Variants in PKP4 observed in about 807,000 individuals in gnomAD.
The protein encoded by PKP4 is plakophilin-4.
PKP4 carries 90 observed loss-of-function variants against 145.1 expected under a neutral mutation model. The observed-to-expected ratio is 0.62, with a 90% CI of 0.52 to 0.74. PKP4 has a LOEUF of 0.74. Ranked by LOEUF, PKP4 falls within the 30% of genes least tolerant of loss-of-function variation. The pLI is 0.00. For missense variants in PKP4, 1,340 were observed against 1,482.7 expected, an observed-to-expected ratio of 0.90 and a Z score of 1.58; for synonymous variants, 563 against 577.2, an observed-to-expected ratio of 0.98 and a Z score of 0.35.
intron 11 of PKP4, among the ~76,000 whole-genome samples, chr2:158,643,628 C>T (rs1225390232): frequency 9.2e-6 from 1 of 108,700 alleles, no homozygotes. Flanking sequence ...AGGGGGATCA[C>T]TTAAGCCCAG....
chr2:158,536,778 G>A (rs2105643925), intron 2 of PKP4, among the ~76,000 whole-genome samples: 1 of 152,290 alleles, frequency 6.6e-6, no homozygotes, highest in South Asian at 2.1e-4. Flanking sequence ...AAAAATCCTT[G>A]CTCCTTGACA....
At chr2:158,492,789 T>G (rs1292421610) in intron 1 of PKP4, among the ~76,000 whole-genome samples, 7 of 152,358 alleles carry the variant, frequency 4.6e-5, no homozygotes, top group Middle Eastern at 3.4e-3. Context: ...TACAGAAGTG[T>G]TATACGTGTT....
chr2:158,680,279 T>C, intron 21 of PKP4, 150 bp from the exon 22 acceptor site: 3 of 637,900 alleles, frequency 4.7e-6, no homozygotes, highest in South Asian at 2.0e-5. Context: ...AGTAAACGCA[T>C]AGTGTGCACC....
At chr2:158,516,507 A>C (rs913763629) in intron 1 of PKP4, among the ~76,000 whole-genome samples, 1 of 152,170 alleles carries the variant, frequency 6.6e-6, no homozygotes, top group Non-Finnish European at 1.5e-5. Flanking sequence ...TCTCATGCAG[A>C]TCTTCTAGGT....
chr2:158,617,045 G>A (rs1408403764), intron 4 of PKP4, among the ~76,000 whole-genome samples: 4 of 152,018 alleles, frequency 2.6e-5, no homozygotes, highest in Non-Finnish European at 4.4e-5. Flanking sequence ...GCCCTACAGC[G>A]TTATTGTCCC....
chr2:158,548,147 C>T (rs1024332014), intron 2 of PKP4, among the ~76,000 whole-genome samples: 3 of 152,108 alleles, frequency 2.0e-5, no homozygotes, highest in Admixed American at 6.5e-5. Flanking sequence ...ACTGAAATAA[C>T]ATAAGGAGCC....
chr2:158,626,811 A>C (rs982780183), intron 7 of PKP4, among the ~76,000 whole-genome samples: 2 of 152,192 alleles, frequency 1.3e-5, no homozygotes, highest in African/African-American at 4.8e-5. Flanking sequence ...CATTTTGTGA[A>C]ACTACAAGTT....
chr2:158,554,976 T>C (rs1407151931), intron 2 of PKP4, among the ~76,000 whole-genome samples: 1 of 76,450 alleles, frequency 1.3e-5, no homozygotes, highest in African/African-American at 3.6e-5. Context: ...TTTACTTGTT[T>C]AAATAATCCT....
At chr2:158,475,920 G>A (rs1282958200) in intron 1 of PKP4, among the ~76,000 whole-genome samples, 1 of 152,164 alleles carries the variant, frequency 6.6e-6, no homozygotes, top group African/African-American at 2.4e-5. Flanking sequence ...ATTTAGAATA[G>A]TTTTCTCTAA....
Position 158,535,327 on chromosome 2 carries a change from C to T in PKP4, c.132+2011C>T, listed in dbSNP as rs1044324127. Among the ~76,000 whole-genome samples, 5 of 152,194 alleles carry T rather than the reference C, an allele frequency of 3.3e-5. No homozygotes were observed. The South Asian group carries it at 1.0e-3, about 31-fold the overall frequency. On this transcript the variant is annotated intron_variant, in intron 2 of 21. Coordinates refer to ENST00000389759, the MANE Select transcript of PKP4 (RefSeq NM_003628.6). The stretch of plus-strand genomic sequence containing the variant: ...AATTTACTGGTCAGAGTGTGACACT[C>T]TTAGCCCACTGTTACATGCAATTGC...
rs3836167 is a variant in PKP4 at position 158,627,650 on chromosome 2, A to AAT, written c.1153+2237_1153+2238dup. On this transcript the variant is annotated intron_variant, in intron 7 of 21. Coordinates refer to ENST00000389759, the MANE Select transcript of PKP4 (RefSeq NM_003628.6). ...TAATTTAAATGATACAAACTACAGA[A>AAT]ATATATATATATATACTCTAAAATG... Among the ~76,000 whole-genome samples the AAT allele has an allele frequency of 3.0e-3, 446 of 147,646 alleles. 2 individuals carry two copies. Among genetic ancestry groups the AAT allele is most frequent in the Non-Finnish European group, 4.6e-3 (306 of 66,798 alleles).
At chr2:158,677,389 CAA>C (rs1379720918) in intron 20 of PKP4, 2 of 195,940 alleles carry the variant, frequency 1.0e-5, no homozygotes, top group African/African-American at 2.3e-5. Context: ...TTAAGAATAA[CAA>C]AAATAATGTT....
At chr2:158,548,762 C>T in intron 2 of PKP4, 1 of 306,004 alleles carries the variant, frequency 3.3e-6, no homozygotes. Context: ...AGAGAAGAAG[C>T]AGAGACTTGG....
chr2:158,546,250 T>G (rs564283704), intron 2 of PKP4, among the ~76,000 whole-genome samples: 12 of 152,334 alleles, frequency 7.9e-5, no homozygotes, highest in African/African-American at 2.6e-4. Flanking sequence ...TTTTCCCAAT[T>G]TATTTTGTCA....
intron 1 of PKP4, among the ~76,000 whole-genome samples, chr2:158,514,564 C>T (rs574567540): frequency 6.6e-6 from 1 of 152,324 alleles, no homozygotes; most frequent in South Asian, 2.1e-4. Flanking sequence ...GTTATCACAA[C>T]TGAGAATCTA....
chr2:158,624,076 G>A (rs2052523658), intron 6 of PKP4, among the ~76,000 whole-genome samples: 1 of 152,174 alleles, frequency 6.6e-6, no homozygotes, highest in Non-Finnish European at 1.5e-5. Context: ...ACCCAAAAGA[G>A]GCTTTGACCA....
chr2:158,631,954 T>C lies in PKP4; in HGVS notation c.1342+13T>C. ...CGCACAGGTTCAGGTGGGCATCAAC[T>C]CTGTTTACTGGTTTCCTGATTTCAT... On this transcript the variant is annotated intron_variant, in intron 8 of 21. Coordinates refer to ENST00000389759, the MANE Select transcript of PKP4 (RefSeq NM_003628.6). The C allele has an allele frequency of 6.2e-7, 1 of 1,611,510 alleles. No individual in the cohort carries two copies.
intron 2 of PKP4, among the ~76,000 whole-genome samples, chr2:158,569,855 T>G (rs1033952048): frequency 2.6e-5 from 4 of 152,142 alleles, no homozygotes; most frequent in African/African-American, 9.7e-5. Context: ...TCTCCAAGAT[T>G]TAGAATCTCC....
intron 2 of PKP4, among the ~76,000 whole-genome samples, chr2:158,566,040 A>G (rs1393265281): frequency 6.6e-6 from 1 of 152,222 alleles, no homozygotes; most frequent in East Asian, 1.9e-4. Context: ...CCTGCCACCC[A>G]CACACACATT....
Sources: allele counts gnomAD v4.1 joint callset (sites outside exome capture counted in the v4.1 genomes callset), GRCh38; gene constraint gnomAD v4.1.1; transcripts MANE v1.5; gene names NCBI Gene and HGNC (gene_info 2026-07-23, HGNC 2026-07-21).